MORF4L1: variants seen among roughly 807,000 people sequenced by gnomAD.
MORF4L1 encodes the protein mortality factor 4 like 1, also known as mortality factor 4-like protein 1.
A neutral mutation model predicts 52.9 loss-of-function variants in MORF4L1; 4 were observed. That is an observed-to-expected ratio of 0.08 (90% CI 0.04 to 0.17). The LOEUF (loss-of-function observed/expected upper bound fraction) is 0.17. MORF4L1 is among the 10% of genes least tolerant of loss of function. MORF4L1 has a pLI of 1.00. For missense variants in MORF4L1, 214 were observed against 390.4 expected, an observed-to-expected ratio of 0.55 and a Z score of 3.81; for synonymous variants, 123 against 134.8, an observed-to-expected ratio of 0.91 and a Z score of 0.61.
intron 1 of MORF4L1, among the ~76,000 whole-genome samples, chr15:78,873,536 T>C (rs1307908697): frequency 1.3e-5 from 2 of 151,972 alleles, no homozygotes; most frequent in Admixed American, 6.6e-5. Context: ...CGGTGGCAAC[T>C]CAGCTGCGGA....
At chr15:78,875,039 A>G (rs2141584556) in intron 1 of MORF4L1, among the ~76,000 whole-genome samples, 1 of 152,290 alleles carries the variant, frequency 6.6e-6, no homozygotes, top group South Asian at 2.1e-4. Flanking sequence ...TTTCTTCAAA[A>G]TTAGGGTAGT....
At chr15:78,879,866 G>C (rs527286505) in intron 2 of MORF4L1, among the ~76,000 whole-genome samples, 1 of 152,236 alleles carries the variant, frequency 6.6e-6, no homozygotes, top group South Asian at 2.1e-4. Context: ...TACTAAACTG[G>C]CTGATTTTTC....
chr15:78,896,316 T>C (rs992511316), intron 11 of MORF4L1, among the ~76,000 whole-genome samples: 204 of 140,260 alleles, frequency 1.5e-3, no homozygotes, highest in African/African-American at 5.0e-3. Flanking sequence ...TTCTTTTTTT[T>C]TTTTTTTTTT....
chr15:78,894,571 G>A, intron 10 of MORF4L1: 1 of 456,674 alleles, frequency 2.2e-6, no homozygotes, highest in Non-Finnish European at 3.9e-6. Context: ...CCACATCTGT[G>A]GTAATTTTTG....
At chr15:78,892,078 A>G (rs572124782) in intron 7 of MORF4L1, 134 bp from the exon 8 acceptor site, 2 of 511,500 alleles carry the variant, frequency 3.9e-6, no homozygotes, top group East Asian at 3.3e-5. Context: ...TAATGATTTT[A>G]AAAAATGACA....
intron 1 of MORF4L1, among the ~76,000 whole-genome samples, chr15:78,873,554 G>A (rs1441208682): frequency 1.3e-5 from 2 of 152,158 alleles, no homozygotes; most frequent in African/African-American, 4.8e-5. Context: ...GGATGGGGGT[G>A]GGTTTGGCGC....
chr15:78,878,264 GA>G lies in MORF4L1; in HGVS notation c.87+8del. On this transcript the variant is annotated splice_donor_region_variant and intron_variant, in intron 2 of 11. Coordinates refer to ENST00000426013, the MANE Select transcript of MORF4L1 (RefSeq NM_006791.4). ...CCTCTTCTTTATGAAGCAAAGGTAT[GA>G]AACTTGTTTTCTTTTGAGAAGTTGG... 1.2e-6 allele frequency: 2 copies of G among 1,610,756 alleles called. No individual in the cohort carries two copies. Among genetic ancestry groups the G allele is most frequent in the Non-Finnish European group, 1.7e-6 (2 of 1,179,204 alleles).
chr15:78,890,319 T>TA (rs2056777643), intron 5 of MORF4L1, among the ~76,000 whole-genome samples: 1 of 151,302 alleles, frequency 6.6e-6, no homozygotes, highest in Non-Finnish European at 1.5e-5. Context: ...ACAAAAAAAT[T>TA]ACACAAATCT....
chr15:78,874,237 T>A (rs978950429), intron 1 of MORF4L1, among the ~76,000 whole-genome samples: 7 of 152,274 alleles, frequency 4.6e-5, no homozygotes, highest in Non-Finnish European at 7.3e-5. Context: ...GATGTCTACA[T>A]GCGTACGATT....
intron 11 of MORF4L1, among the ~76,000 whole-genome samples, chr15:78,896,354 C>A (rs978802481): frequency 7.9e-6 from 1 of 127,000 alleles, no homozygotes; most frequent in African/African-American, 3.0e-5. Context: ...CACGCTTGTC[C>A]ATGCTGGAGT....
chr15:78,886,408 G>A, intron 4 of MORF4L1, 181 bp downstream of exon 4: 1 of 607,420 alleles, frequency 1.6e-6, no homozygotes, highest in Non-Finnish European at 3.0e-6. Flanking sequence ...AAAGGAAGTA[G>A]CATACCTGCC....
At chr15:78,886,637 CA>C (rs2141473748) in intron 4 of MORF4L1, among the ~76,000 whole-genome samples, 1 of 152,212 alleles carries the variant, frequency 6.6e-6, no homozygotes, top group South Asian at 2.1e-4. Context: ...AGGGTAATCT[CA>C]AAGTTGAAAT....
At position 78,894,902 on chromosome 15, in the gene MORF4L1, A is replaced by T. The variant is rs1486866220; in HGVS notation, c.885A>T (p.Leu295=). Residue 295 remains leucine, a splice_region_variant and synonymous_variant, in exon 11 of 12, where the codon CTA becomes CTT. Coordinates refer to ENST00000426013, the MANE Select transcript of MORF4L1 (RefSeq NM_006791.4). ...ALLLNYLHDF[L]KYLAKNSATL... Reference sequence around the variant, plus strand: ...TACTCAATTATCTTCACGATTTCCTAAAGTAAGTCTGTGCTTGAAATTATA... The same window carrying T: ...TACTCAATTATCTTCACGATTTCCTTAAGTAAGTCTGTGCTTGAAATTATA... 4 of 1,609,948 alleles carry T rather than the reference A, an allele frequency of 2.5e-6. No homozygotes were observed. The highest frequency in any genetic ancestry group is 3.4e-6 in the Non-Finnish European group (4 of 1,176,342).
intron 1 of MORF4L1, among the ~76,000 whole-genome samples, chr15:78,877,348 G>A (rs761047806): frequency 6.6e-6 from 1 of 152,056 alleles, no homozygotes; most frequent in Non-Finnish European, 1.5e-5. Context: ...TCAAACTCCT[G>A]ACCTCAGGTG....
chr15:78,888,799 A>G (rs905353702), intron 5 of MORF4L1, among the ~76,000 whole-genome samples: 1 of 150,684 alleles, frequency 6.6e-6, no homozygotes, highest in African/African-American at 2.4e-5. Context: ...ATTTTTTTTT[A>G]AACTCTTTTT....
intron 2 of MORF4L1, among the ~76,000 whole-genome samples, chr15:78,879,033 ACT>A (rs1491494658): frequency 1.4e-5 from 2 of 144,742 alleles, no homozygotes; most frequent in Non-Finnish European, 3.0e-5. Flanking sequence ...CATTTTCACT[ACT>A]TTTTTTTTTC....
intron 1 of MORF4L1, among the ~76,000 whole-genome samples, chr15:78,877,539 C>T (rs895242220): frequency 6.6e-6 from 1 of 152,232 alleles, no homozygotes; most frequent in African/African-American, 2.4e-5. Context: ...AAGCTACACT[C>T]AAATGTAATC....
chr15:78,894,391 T>A, intron 10 of MORF4L1, 161 bp downstream of exon 10: 1 of 535,970 alleles, frequency 1.9e-6, no homozygotes, highest in African/African-American at 2.0e-5. Flanking sequence ...GCAAGAGTTT[T>A]AAAAATCGTG....
chr15:78,880,125 C>T (rs985657553), intron 2 of MORF4L1, among the ~76,000 whole-genome samples: 5 of 152,238 alleles, frequency 3.3e-5, no homozygotes, highest in Non-Finnish European at 5.9e-5. Context: ...GGTCCATTTA[C>T]TGCCTTTCAT....
Sources: gnomAD v4.1 joint callset for allele counts (sites outside exome capture counted in the v4.1 genomes callset) on GRCh38, gnomAD v4.1.1 for gene constraint, MANE v1.5 for transcripts, NCBI Gene and HGNC (gene_info 2026-07-23, HGNC 2026-07-21) for gene names.